Variants in FOXP1 observed in about 807,000 individuals in gnomAD.
The protein encoded by FOXP1 is forkhead box protein P1.
A neutral mutation model predicts 98.2 loss-of-function variants in FOXP1; 15 were observed. The observed-to-expected ratio is 0.15, with a 90% CI of 0.10 to 0.24. The LOEUF is 0.24. FOXP1 is among the 10% of genes least tolerant of loss of function. The pLI, the probability that FOXP1 is intolerant of heterozygous loss-of-function variation, is 1.00. For synonymous variants in FOXP1, 371 were observed against 314.5 expected (o/e 1.18, Z -1.90); for missense variants, 633 against 848.5 (o/e 0.75, Z 3.15).
intron 3 of FOXP1, among the ~76,000 whole-genome samples, chr3:71,396,662 G>A (rs773328462): frequency 4.7e-5 from 7 of 150,318 alleles, no homozygotes; most frequent in African/African-American, 1.2e-4. Context: ...TATGGGGCCC[G>A]TGGCATAATG....
intron 3 of FOXP1, among the ~76,000 whole-genome samples, chr3:71,393,699 C>A (rs148177688): frequency 0.016 from 2,374 of 152,298 alleles, 50 homozygotes; most frequent in South Asian, 0.087. Flanking sequence ...ACAAGAAAGT[C>A]TTCCAGTAAT....
At chr3:71,552,006 T>C (rs1340498756) in intron 2 of FOXP1, among the ~76,000 whole-genome samples, 1 of 152,160 alleles carries the variant, frequency 6.6e-6, no homozygotes, top group Non-Finnish European at 1.5e-5. Flanking sequence ...CAACCAAGCA[T>C]GCCATTCATC....
intron 6 of FOXP1, among the ~76,000 whole-genome samples, chr3:71,191,274 C>T (rs1576305234): frequency 2.0e-5 from 3 of 152,226 alleles, no homozygotes; most frequent in African/African-American, 7.2e-5. Context: ...TGAAACTAAT[C>T]TGTCAACAAA....
chr3:71,252,945 T>C (rs1417649302), intron 5 of FOXP1, among the ~76,000 whole-genome samples: 1 of 152,206 alleles, frequency 6.6e-6, no homozygotes, highest in Non-Finnish European at 1.5e-5. Context: ...GAAGGATTCA[T>C]AGGCTAGTCC....
At chr3:71,328,527 T>C (rs2076063568) in intron 4 of FOXP1, among the ~76,000 whole-genome samples, 1 of 152,194 alleles carries the variant, frequency 6.6e-6, no homozygotes, top group South Asian at 2.1e-4. Context: ...GAACACAATG[T>C]GTGACTTTTC....
At chr3:71,501,069 G>A (rs2041303184) in intron 2 of FOXP1, among the ~76,000 whole-genome samples, 1 of 152,066 alleles carries the variant, frequency 6.6e-6, no homozygotes, top group Non-Finnish European at 1.5e-5. Context: ...GCGGGTGCCT[G>A]TAATCCCAGC....
At chr3:71,275,429 T>C (rs1288694) in intron 5 of FOXP1, among the ~76,000 whole-genome samples, 94,340 of 152,162 alleles carry the variant, frequency 0.62, 29,596 homozygotes, top group African/African-American at 0.71. Flanking sequence ...TCGCTTTTCC[T>C]TACTGCATTT....
chr3:71,562,411 G>GCGGCTTGTCAGTGGCC (rs2046609120), intron 2 of FOXP1, among the ~76,000 whole-genome samples: 1 of 152,252 alleles, frequency 6.6e-6, no homozygotes, highest in African/African-American at 2.4e-5. Flanking sequence ...TAAGGGTCAT[G>GCGGCTTGTCAGTGGCC]CGGCTTGTCA....
At chr3:71,478,050 C>A (rs1245277465) in intron 3 of FOXP1, among the ~76,000 whole-genome samples, 1 of 152,178 alleles carries the variant, frequency 6.6e-6, no homozygotes, top group East Asian at 1.9e-4. Context: ...TCAAAAAAAT[C>A]TTTAAAAGTT....
chr3:71,251,051 A>C (rs2068148526), intron 5 of FOXP1, among the ~76,000 whole-genome samples: 1 of 152,210 alleles, frequency 6.6e-6, no homozygotes, highest in Admixed American at 6.5e-5. Flanking sequence ...CACGGTTTTG[A>C]TTAGAATTGT....
chr3:71,564,770 G>T (rs2046787325), intron 2 of FOXP1, among the ~76,000 whole-genome samples: 1 of 152,204 alleles, frequency 6.6e-6, no homozygotes, highest in African/African-American at 2.4e-5. Flanking sequence ...TCATTTTGGG[G>T]AAGTTATTTC....
intron 7 of FOXP1, among the ~76,000 whole-genome samples, chr3:71,095,072 C>T (rs543844157): frequency 6.6e-6 from 1 of 152,344 alleles, no homozygotes; most frequent in African/African-American, 2.4e-5. Context: ...GAATACGTTT[C>T]CAAAGCCAGC....
At chr3:71,329,601 G>T (rs34020720) in intron 4 of FOXP1, among the ~76,000 whole-genome samples, 91,897 of 147,766 alleles carry the variant, frequency 0.62, 31,054 homozygotes, top group East Asian at 0.9. Flanking sequence ...AAAAAAAAAA[G>T]ACAGGATCTT....
At chr3:71,319,661 CCT>C (rs1430344168) in intron 4 of FOXP1, among the ~76,000 whole-genome samples, 2 of 152,090 alleles carry the variant, frequency 1.3e-5, no homozygotes, top group Admixed American at 6.6e-5. Context: ...GCCACTGAAA[CCT>C]CTGTTGCCAA....
chr3:71,237,419 G>A (rs1225527277), intron 5 of FOXP1, among the ~76,000 whole-genome samples: 2 of 151,838 alleles, frequency 1.3e-5, no homozygotes, highest in Non-Finnish European at 2.9e-5. Context: ...CTTGATTGGG[G>A]CTAGCTAGCC....
intron 3 of FOXP1, among the ~76,000 whole-genome samples, chr3:71,401,936 G>C (rs1248312336): frequency 6.6e-6 from 1 of 152,118 alleles, no homozygotes; most frequent in Non-Finnish European, 1.5e-5. Flanking sequence ...TCTGTACGTG[G>C]AGTTATCCCT....
intron 5 of FOXP1, among the ~76,000 whole-genome samples, chr3:71,297,194 G>T (rs2073387297): frequency 6.6e-6 from 1 of 151,980 alleles, no homozygotes; most frequent in Non-Finnish European, 1.5e-5. Context: ...TTACAAGGGG[G>T]GCATTATTTG....
intron 2 of FOXP1, chr3:71,542,055 T>C (rs370463488): frequency 3.8e-6 from 2 of 531,874 alleles, no homozygotes; most frequent in African/African-American, 3.9e-5. Flanking sequence ...CCAGGGTCTG[T>C]ATAGAAAACA....
Position 71,001,107 on chromosome 3 carries a change from G to A in FOXP1, c.975-48C>T, listed in dbSNP as rs2042069992. 9.0e-6 allele frequency: 13 copies of A among 1,437,778 alleles called. No homozygotes were observed. The East Asian group carries it at 3.0e-4, about 33-fold the overall frequency. The allele number at this position is 1,437,778 out of a possible 1,614,324, so 89.1% of individuals were successfully genotyped here. On this transcript the variant is annotated intron_variant, in intron 12 of 20. Coordinates refer to ENST00000649528, the MANE Select transcript of FOXP1 (RefSeq NM_001349338.3). ...ATTAAGTGAAATGGAGAAACAAAAA[G>A]GAAAATATAAGTTACCAGGATGTTT...
Sources: gnomAD v4.1 joint callset for allele counts (sites outside exome capture counted in the v4.1 genomes callset) on GRCh38, gnomAD v4.1.1 for gene constraint, MANE v1.5 for transcripts, NCBI Gene and HGNC (gene_info 2026-07-23, HGNC 2026-07-21) for gene names.